The following N4BP2L2 variants were observed in gnomAD, a reference collection of about 807,000 sequenced individuals.
N4BP2L2 encodes NEDD4-binding protein 2-like 2.
A neutral mutation model predicts 56.2 loss-of-function variants in N4BP2L2; 50 were observed. The ratio of observed to expected loss-of-function variants is 0.89; its 90% CI spans 0.71 to 1.13. The LOEUF is 1.13. Ranked by LOEUF, N4BP2L2 falls within the 50% of genes most tolerant of loss-of-function variation. The pLI, the probability that N4BP2L2 is intolerant of heterozygous loss-of-function variation, is 0.00. For synonymous variants in N4BP2L2, 203 were observed against 223.6 expected, an observed-to-expected ratio of 0.91 and a Z score of 0.82; for missense variants, 689 against 693.8, an observed-to-expected ratio of 0.99 and a Z score of 0.08.
chr13:32,439,855 C>A (rs2858140), intron 7 of N4BP2L2, among the ~76,000 whole-genome samples: 118,126 of 128,234 alleles, frequency 0.92, 54,037 homozygotes, highest in South Asian at 0.99. Context: ...TATTAAGAAT[C>A]CAAAAAAAAA....
chr13:32,522,090 T>G (rs2051128212), intron 4 of N4BP2L2, 92 bp downstream of exon 4: 3 of 792,080 alleles, frequency 3.8e-6, no homozygotes, highest in Non-Finnish European at 2.1e-6. Flanking sequence ...GGACAAATGT[T>G]TTAATAATCA....
At chr13:32,513,532 T>A (rs764158475) in exon 6 of N4BP2L2, 1 of 152,322 alleles carries the variant, frequency 6.6e-6, no homozygotes, top group East Asian at 1.9e-4. Flanking sequence ...AATCCCTTAA[T>A]ACAATCTCTC....
chr13:32,530,511 T>C lies in N4BP2L2; in HGVS notation c.1260-2979A>G, dbSNP rs1403872117. Among the ~76,000 whole-genome samples the C allele has an allele frequency of 3.3e-5, 5 of 152,200 alleles. No homozygotes were observed. The East Asian group carries it at 9.6e-4, about 29-fold the overall frequency. On this transcript the variant is annotated intron_variant, in intron 2 of 5. Transcript: ENST00000267068. Reference sequence around the variant, plus strand: ...AATTTAGAAATGTGAGTAAGTCAAATATCTAATTTAAAAAAATCAAATCTG... The same window carrying C: ...AATTTAGAAATGTGAGTAAGTCAAACATCTAATTTAAAAAAATCAAATCTG...
At chr13:32,445,550 C>T (rs889061591) in intron 6 of N4BP2L2, among the ~76,000 whole-genome samples, 4 of 152,226 alleles carry the variant, frequency 2.6e-5, no homozygotes, top group South Asian at 2.1e-4. Flanking sequence ...CTGTTGAGTC[C>T]GGTATTTGAG....
chr13:32,538,030 C>CCA (rs1238067112), intron 1 of N4BP2L2, among the ~76,000 whole-genome samples: 1 of 146,364 alleles, frequency 6.8e-6, no homozygotes, highest in African/African-American at 2.6e-5. Context: ...CGAGATGGCG[C>CCA]CACTGCACTC....
chr13:32,485,990 A>G (rs1327012343), intron 6 of N4BP2L2, among the ~76,000 whole-genome samples: 1 of 152,224 alleles, frequency 6.6e-6, no homozygotes, highest in Non-Finnish European at 1.5e-5. Context: ...GTGTTGCTTG[A>G]GCCTGGGAGG....
intron 4 of N4BP2L2, chr13:32,521,688 A>G (rs1055870828): frequency 4.0e-5 from 16 of 395,880 alleles, no homozygotes; most frequent in Middle Eastern, 6.8e-4. Flanking sequence ...AGTCAAAACA[A>G]TATGAGGCTG....
At chr13:32,486,836 A>G (rs1419769913) in intron 6 of N4BP2L2, among the ~76,000 whole-genome samples, 2 of 152,040 alleles carry the variant, frequency 1.3e-5, no homozygotes, top group African/African-American at 4.8e-5. Context: ...TGTCTCCACT[A>G]AAAATACAAA....
chr13:32,508,346 T>G (rs1447050865), downstream of N4BP2L2: 5 of 152,164 alleles, frequency 3.3e-5, no homozygotes, highest in African/African-American at 1.2e-4. Flanking sequence ...CATGTTTAAC[T>G]GTTGATGGGT....
chr13:32,509,097 G>T (rs537262500), downstream of N4BP2L2: 3 of 152,222 alleles, frequency 2.0e-5, no homozygotes, highest in South Asian at 6.2e-4. Flanking sequence ...TTAAATGGGT[G>T]ATCCTTCTTC....
chr13:32,458,307 C>T (rs2079353025), intron 6 of N4BP2L2, among the ~76,000 whole-genome samples: 1 of 152,134 alleles, frequency 6.6e-6, no homozygotes, highest in African/African-American at 2.4e-5. Flanking sequence ...CCTCATGATC[C>T]GCCCATCTCG....
intron 9 of N4BP2L2, among the ~76,000 whole-genome samples, chr13:32,433,931 C>CAAAAAAA (rs60540916): frequency 1.2e-5 from 1 of 86,126 alleles, no homozygotes; most frequent in Non-Finnish European, 2.2e-5. Flanking sequence ...GACCGTGTCT[C>CAAAAAAA]AAAAAAAAAA....
intron 6 of N4BP2L2, among the ~76,000 whole-genome samples, chr13:32,486,724 G>A (rs1469256101): frequency 6.6e-6 from 1 of 151,960 alleles, no homozygotes; most frequent in African/African-American, 2.4e-5. Context: ...AACTGGCTAA[G>A]TGTGGTGGCT....
At chr13:32,478,213 A>G (rs1247290939) in intron 6 of N4BP2L2, 2 of 439,704 alleles carry the variant, frequency 4.5e-6, no homozygotes, top group African/African-American at 2.1e-5. Context: ...ATATTATGAC[A>G]TTTAAGAAGC....
chr13:32,528,995 C>G (rs2053880714), intron 2 of N4BP2L2, among the ~76,000 whole-genome samples: 1 of 152,136 alleles, frequency 6.6e-6, no homozygotes, highest in Admixed American at 6.5e-5. Flanking sequence ...TTTAACTCAT[C>G]TCTGGATTAT....
intron 6 of N4BP2L2, among the ~76,000 whole-genome samples, chr13:32,484,052 A>G (rs1300530276): frequency 6.6e-6 from 1 of 152,030 alleles, no homozygotes; most frequent in Non-Finnish European, 1.5e-5. Flanking sequence ...TACAACTTAC[A>G]TAATCCAAGC....
chr13:32,536,461 A>C, exon 2 of N4BP2L2: 1 of 1,612,988 alleles, frequency 6.2e-7, no homozygotes, highest in East Asian at 2.2e-5. Context: ...AACTGTTCTC[A>C]AAACCATCTT....
At chr13:32,474,796 CA>C (rs1390503443) in intron 6 of N4BP2L2, among the ~76,000 whole-genome samples, 1 of 152,150 alleles carries the variant, frequency 6.6e-6, no homozygotes, top group East Asian at 1.9e-4. Context: ...ACATGGCTAA[CA>C]AAAAGTTAAA....
chr13:32,481,143 A>AAG (rs1484542744), intron 6 of N4BP2L2, among the ~76,000 whole-genome samples: 1 of 151,140 alleles, frequency 6.6e-6, no homozygotes, highest in African/African-American at 2.4e-5. Context: ...AAAAAAAAAA[A>AAG]AAAAAGGATT....
Sources: allele counts gnomAD v4.1 joint callset (sites outside exome capture counted in the v4.1 genomes callset), GRCh38; gene constraint gnomAD v4.1.1; transcripts MANE v1.5; gene names NCBI Gene and HGNC (gene_info 2026-07-23, HGNC 2026-07-21).